Variants in RYR3 observed in about 807,000 individuals in gnomAD.
RYR3 encodes ryanodine receptor 3.
A neutral mutation model predicts 584.3 loss-of-function variants in RYR3; 207 were observed. The ratio of observed to expected loss-of-function variants is 0.35; its 90% CI spans 0.32 to 0.40. The LOEUF is 0.40. Among genes scored for constraint, RYR3 ranks in the 10% least tolerant of loss-of-function variants. The probability of loss-of-function intolerance (pLI) is 1.00; values close to 1 mark genes in which losing one functional copy is unlikely to be tolerated. For missense variants in RYR3, 5,616 were observed against 6,089.2 expected (o/e 0.92, Z 2.59); for synonymous variants, 2,416 against 2,248.5 (o/e 1.07, Z -2.11).
chr15:33,601,550 C>A lies in RYR3; in HGVS notation c.1920C>A (p.Thr640=). 1 of 1,613,738 alleles carries A rather than the reference C, an allele frequency of 6.2e-7. No homozygotes were observed. Among genetic ancestry groups the A allele is most frequent in the Non-Finnish European group, 8.5e-7 (1 of 1,179,766 alleles). The change falls in exon 17 of 104, where the codon ACC becomes ACA. Residue 640 remains threonine (T), a splice_region_variant and synonymous_variant. Coordinates refer to ENST00000634891, the MANE Select transcript of RYR3 (RefSeq NM_001036.6). The stretch of plus-strand genomic sequence containing the variant: ...AGACACGACTGATTAACGATGTAAC[C>A]AGGTAAGGCCACCACCACCATTCCA... ...LLQTRLINDV[T]SIRPNIFLGV... is the part of the protein sequence containing the mutation.
intron 42 of RYR3, among the ~76,000 whole-genome samples, chr15:33,703,829 T>A (rs1225952710): frequency 6.6e-6 from 1 of 152,214 alleles, no homozygotes. Flanking sequence ...GTATTTCCAA[T>A]GGACTTCATT....
At chr15:33,788,936 G>A (rs965471) in intron 67 of RYR3, among the ~76,000 whole-genome samples, 93,281 of 152,022 alleles carry the variant, frequency 0.61, 29,721 homozygotes, top group East Asian at 0.96. Flanking sequence ...TATATAGAGC[G>A]GGGTAAGGGG....
At chr15:33,314,746 C>G (rs1202421881) in intron 1 of RYR3, among the ~76,000 whole-genome samples, 2 of 152,046 alleles carry the variant, frequency 1.3e-5, no homozygotes, top group African/African-American at 2.4e-5. Context: ...AACCCCGTCT[C>G]TACTAAAAAT....
chr15:33,841,246 G>T (rs1392054255), intron 90 of RYR3, among the ~76,000 whole-genome samples: 3 of 152,042 alleles, frequency 2.0e-5, no homozygotes, highest in Non-Finnish European at 4.4e-5. Context: ...AGAAAATAAA[G>T]ATAGTTATTG....
chr15:33,329,145 C>T (rs1970089754), intron 1 of RYR3, among the ~76,000 whole-genome samples: 1 of 152,176 alleles, frequency 6.6e-6, no homozygotes, highest in African/African-American at 2.4e-5. Context: ...CTCCCATCCC[C>T]ATTTCTTCCC....
chr15:33,649,749 G>A (rs896195801), intron 31 of RYR3, among the ~76,000 whole-genome samples: 1 of 152,204 alleles, frequency 6.6e-6, no homozygotes, highest in African/African-American at 2.4e-5. Flanking sequence ...AAACTTTAGG[G>A]CAAGCGCGTT....
At chr15:33,776,334 G>A (rs1281028929) in intron 64 of RYR3, among the ~76,000 whole-genome samples, 1 of 152,208 alleles carries the variant, frequency 6.6e-6, no homozygotes, top group Non-Finnish European at 1.5e-5. Context: ...TCAGAGAAGG[G>A]TAATGGTTTG....
chr15:33,471,676 G>T (rs1245782829), intron 1 of RYR3, among the ~76,000 whole-genome samples: 2 of 150,718 alleles, frequency 1.3e-5, no homozygotes, highest in East Asian at 1.9e-4. Context: ...TTAGTTTTTT[G>T]GGGGGTTTTA....
chr15:33,671,458 C>T (rs2063830281), intron 38 of RYR3, among the ~76,000 whole-genome samples: 1 of 152,218 alleles, frequency 6.6e-6, no homozygotes, highest in Admixed American at 6.5e-5. Flanking sequence ...ATACATCTTA[C>T]TGCCCTTACT....
At chr15:33,552,191 A>T (rs765570091) in intron 10 of RYR3, among the ~76,000 whole-genome samples, 14 of 151,580 alleles carry the variant, frequency 9.2e-5, no homozygotes, top group South Asian at 2.1e-4. Flanking sequence ...TTCCAAGGGG[A>T]CTCTTCCATT....
At chr15:33,352,159 T>G (rs990128177) in intron 1 of RYR3, among the ~76,000 whole-genome samples, 10 of 152,342 alleles carry the variant, frequency 6.6e-5, no homozygotes, top group African/African-American at 2.4e-4. Flanking sequence ...TTAAATCATT[T>G]TTTTTAAATT....
In RYR3 at chr15:33,358,917, A is replaced by G. The variant is rs75004799; in HGVS notation, c.51+47821A>G. ...ACTATTCTAAGCTCATTTTCTTTCG[A>G]ACATTCTAAGTACTTTTCTAAGCAC... On this transcript the variant is annotated intron_variant, in intron 1 of 103. Coordinates refer to ENST00000634891, the MANE Select transcript of RYR3 (RefSeq NM_001036.6). Among the ~76,000 whole-genome samples, 1,074 of 152,236 alleles carry G rather than the reference A, an allele frequency of 7.1e-3. 9 individuals are homozygous for G. The highest frequency in any genetic ancestry group is 0.025 in the African/African-American group (1,038 of 41,518).
intron 1 of RYR3, among the ~76,000 whole-genome samples, chr15:33,363,309 T>C (rs1407282124): frequency 6.6e-6 from 1 of 152,218 alleles, no homozygotes; most frequent in Non-Finnish European, 1.5e-5. Context: ...ATCTTGGTTC[T>C]GAATGGAATT....
intron 1 of RYR3, among the ~76,000 whole-genome samples, chr15:33,363,394 T>A (rs1276221412): frequency 6.6e-6 from 1 of 152,222 alleles, no homozygotes; most frequent in African/African-American, 2.4e-5. Flanking sequence ...AGCCTTCTCT[T>A]CTGTTTTAAC....
At chr15:33,828,636 C>T (rs1596855177) in intron 85 of RYR3, among the ~76,000 whole-genome samples, 1 of 152,328 alleles carries the variant, frequency 6.6e-6, no homozygotes, top group East Asian at 1.9e-4. Flanking sequence ...TAGAGCAGGG[C>T]TCTAACTCTC....
In RYR3 at chr15:33,369,604, G is replaced by GTCTA. The variant is rs763677985; in HGVS notation, c.51+58511_51+58514dup. ...TATCTGTCTGTCTGTCTGTCTGTCT[G>GTCTA]TCTATCCATCCATCCATCCATCTTC... On this transcript the variant is annotated intron_variant, in intron 1 of 103. Coordinates refer to ENST00000634891, the MANE Select transcript of RYR3 (RefSeq NM_001036.6). Among the ~76,000 whole-genome samples, 289 of 152,136 alleles carry GTCTA rather than the reference G, an allele frequency of 1.9e-3. 2 individuals carry two copies. The highest frequency in any genetic ancestry group is 6.7e-3 in the African/African-American group (280 of 41,494).
chr15:33,680,096 T>G (rs1267139376), intron 38 of RYR3, among the ~76,000 whole-genome samples: 1 of 152,174 alleles, frequency 6.6e-6, no homozygotes, highest in Admixed American at 6.6e-5. Flanking sequence ...CTCTGTATAT[T>G]TCAGTTTCTC....
chr15:33,805,027 G>A (rs1430732411), intron 69 of RYR3, among the ~76,000 whole-genome samples: 1 of 152,228 alleles, frequency 6.6e-6, no homozygotes, highest in East Asian at 1.9e-4. Context: ...TTCTGGGGCA[G>A]TCAAAGCAGA....
Position 33,773,228 on chromosome 15 carries a change from C to T in RYR3, c.9056-306C>T, listed in dbSNP as rs569822847. On this transcript the variant is annotated intron_variant, in intron 63 of 103. Coordinates refer to ENST00000634891, the MANE Select transcript of RYR3 (RefSeq NM_001036.6). ...CTAAAATGTCTCTATTGGAAACGAA[C>T]CAAATCGCATTATGGAAGGACCCAT... Among the ~76,000 whole-genome samples, 55 of 152,286 alleles carry T rather than the reference C, an allele frequency of 3.6e-4. No homozygotes were observed. In the South Asian group the frequency reaches 0.01, roughly 29 times the overall value.
Sources: gnomAD v4.1 joint callset for allele counts (sites outside exome capture counted in the v4.1 genomes callset) on GRCh38, gnomAD v4.1.1 for gene constraint, MANE v1.5 for transcripts, NCBI Gene and HGNC (gene_info 2026-07-23, HGNC 2026-07-21) for gene names.